The following ZDHHC5 variants were observed in gnomAD, a reference collection of about 807,000 sequenced individuals.
ZDHHC5 encodes the protein zDHHC palmitoyltransferase 5.
Under a neutral mutation model 70.0 loss-of-function variants are expected in ZDHHC5, and 22 were observed. That is an observed-to-expected ratio of 0.31 (90% CI 0.22 to 0.45). The LOEUF (loss-of-function observed/expected upper bound fraction) is 0.45, where lower values mean the gene tolerates loss of function less well. ZDHHC5 is among the 20% of genes least tolerant of loss of function. The pLI is 1.00. For synonymous variants in ZDHHC5, 313 were observed against 347.8 expected (o/e 0.90, Z 1.11); for missense variants, 746 against 926.9 (o/e 0.80, Z 2.53).
At chr11:57,698,500 TG>T in intron 10 of ZDHHC5, 58 bp from the exon 11 acceptor site, 1 of 1,528,494 alleles carries the variant, frequency 6.5e-7, no homozygotes, top group Non-Finnish European at 8.8e-7. Context: ...CCTTGAGCTC[TG>T]GGGTCTAGCT....
Position 57,699,886 on chromosome 11 carries a change from C to A in ZDHHC5, c.2003C>A (p.Thr668Asn). The stretch of plus-strand genomic sequence containing the variant: ...TCCAGAGATGAAGTACAGCTGAAGA[C>A]CACCTACAGCAAATCCAACGGGCAG... ...LTPKDEVQLKTTYSKSNGQPK... is the reference protein window; with the variant it reads ...LTPKDEVQLKNTYSKSNGQPK... The change falls in exon 12 of 12, where the codon ACC (threonine) becomes AAC (asparagine). Residue 668 changes from threonine to asparagine, a missense_variant. This residue lies in a region of ZDHHC5 where 340 missense variants were observed against 350.1 expected (regional missense o/e 0.97). Transcript: ENST00000287169. 2 of 1,614,262 alleles carry A rather than the reference C, an allele frequency of 1.2e-6. No homozygotes were observed. The highest frequency in any genetic ancestry group is 1.7e-6 in the Non-Finnish European group (2 of 1,180,048).
chr11:57,674,217 G>C (rs1435397491), intron 2 of ZDHHC5, among the ~76,000 whole-genome samples: 2 of 152,078 alleles, frequency 1.3e-5, no homozygotes, highest in African/African-American at 4.8e-5. Flanking sequence ...TCCCATTTAG[G>C]ATCTAGGATC....
intron 2 of ZDHHC5, among the ~76,000 whole-genome samples, chr11:57,682,023 TG>T (rs1946155590): frequency 6.6e-6 from 1 of 152,196 alleles, no homozygotes; most frequent in Non-Finnish European, 1.5e-5. Flanking sequence ...GGGACATAGC[TG>T]GGATCCAGAA....
At chr11:57,691,318 C>T (rs1946282328) in intron 6 of ZDHHC5, among the ~76,000 whole-genome samples, 1 of 152,074 alleles carries the variant, frequency 6.6e-6, no homozygotes, top group Non-Finnish European at 1.5e-5. Context: ...GTGATCCACC[C>T]ACCTCAGCCT....
In ZDHHC5 at chr11:57,690,387, A is replaced by G. The variant is rs779231079; in HGVS notation, c.610A>G (p.Thr204Ala). The G allele has an allele frequency of 1.2e-6, 2 of 1,614,176 alleles. No homozygotes were observed. Among genetic ancestry groups the G allele is most frequent in the Non-Finnish European group, 1.7e-6 (2 of 1,180,030 alleles). Residue 204 changes from threonine to alanine, a missense_variant, in exon 6 of 12, where the codon ACG becomes GCG. Physicochemically the swap from Thr to Ala is moderately conservative, Grantham distance 58. Around this residue, in one of 6 missense-constraint regions of ZDHHC5, gnomAD observed 114 missense variants for 179.3 expected, o/e 0.64. Coordinates refer to ENST00000287169, the MANE Select transcript of ZDHHC5 (RefSeq NM_015457.3). ...ATTCTTCATCCCTGTAGCTGGCCTCACGGGATTTCACGTGGTTCTGGTGGC... is the reference window on the plus strand; with the variant it reads ...ATTCTTCATCCCTGTAGCTGGCCTCGCGGGATTTCACGTGGTTCTGGTGGC... Reference protein sequence around the residue: ...GLFFIPVAGLTGFHVVLVARG... With the variant: ...GLFFIPVAGLAGFHVVLVARG...
Position 57,701,095 on chromosome 11 carries a change from A to G in ZDHHC5, c.*1064A>G, listed in dbSNP as rs1162612006. ...GGGTTCTAACCTCTAAATAGGGGAGATCCCAGCCTCCACAAAGAGGCCCTT... is the reference window on the plus strand; with the variant it reads ...GGGTTCTAACCTCTAAATAGGGGAGGTCCCAGCCTCCACAAAGAGGCCCTT... On this transcript the variant is annotated 3_prime_UTR_variant, in exon 12 of 12. Transcript: ENST00000287169. The G allele has an allele frequency of 1.3e-5, 2 of 152,604 alleles. No homozygotes were observed. Among genetic ancestry groups the G allele is most frequent in the Non-Finnish European group, 2.9e-5 (2 of 68,030 alleles). 9.5% of individuals were successfully genotyped at this position (152,604 alleles called of 1,614,324 possible).
chr11:57,677,345 G>A (rs1946085400), intron 2 of ZDHHC5, among the ~76,000 whole-genome samples: 2 of 145,776 alleles, frequency 1.4e-5, no homozygotes, highest in Admixed American at 1.4e-4. Context: ...GGAGTGTGGT[G>A]GTGTGATCTC....
intron 8 of ZDHHC5, 133 bp from the exon 9 acceptor site, chr11:57,695,787 C>A: frequency 8.4e-7 from 1 of 1,192,528 alleles, no homozygotes; most frequent in Non-Finnish European, 1.1e-6. Context: ...CAGAGTGAGA[C>A]CTTGTCTCAA....
Position 57,670,188 on chromosome 11 carries a change from C to T in ZDHHC5, c.-1070-1833C>T, listed in dbSNP as rs1177225064. Among the ~76,000 whole-genome samples, 4 of 152,082 alleles carry T rather than the reference C, an allele frequency of 2.6e-5. 1 individual carries two copies. Among genetic ancestry groups the T allele is most frequent in the Admixed American group, 2.6e-4 (4 of 15,258 alleles). On this transcript the variant is annotated intron_variant, in intron 1 of 11. Coordinates refer to ENST00000287169, the MANE Select transcript of ZDHHC5 (RefSeq NM_015457.3). ...GAGGGAAAAGTTTGCTTTAATAGTA[C>T]ATATTGGCTGGGCAGAGTGTCTCAC...
intron 3 of ZDHHC5, among the ~76,000 whole-genome samples, chr11:57,687,757 T>TTTTG (rs1946226154): frequency 2.6e-5 from 1 of 38,314 alleles, no homozygotes; most frequent in African/African-American, 1.0e-4. Flanking sequence ...TTTGGGAAAG[T>TTTTG]TTTTTTTTTT....
intron 4 of ZDHHC5, 126 bp downstream of exon 4, chr11:57,688,791 C>T: frequency 9.5e-7 from 1 of 1,047,234 alleles, no homozygotes. Context: ...CATGGTCCAG[C>T]TCTGTCAAAT....
At position 57,696,113 on chromosome 11, in the gene ZDHHC5, G is replaced by A. The variant is rs537204462; in HGVS notation, c.1009+70G>A. ...ATTGAGAAGGTTGCTTATGAGCTGTGGAAGACAGGCAAGGGCTGGGAGATA... is the reference window on the plus strand; with the variant it reads ...ATTGAGAAGGTTGCTTATGAGCTGTAGAAGACAGGCAAGGGCTGGGAGATA... On this transcript the variant is annotated intron_variant, in intron 9 of 11. Transcript: ENST00000287169. 4.2e-5 allele frequency: 64 copies of A among 1,541,632 alleles called. No homozygotes were observed. In the South Asian group the frequency reaches 6.9e-4, roughly 17 times the overall value.
In ZDHHC5 at chr11:57,699,137, G is replaced by T. The variant is rs368906243; in HGVS notation, c.1701G>T (p.Gly567=). The stretch of plus-strand genomic sequence containing the variant: ...GCCGTGAGGAAGAACCAGGCTTGGG[G>T]GACTCAGGCATTCAGTCAACACCAG... ...LPGREEEPGL[G]DSGIQSTPGS... Residue 567 remains glycine (G), a synonymous_variant, in exon 11 of 12, where the codon GGG becomes GGT. Transcript: ENST00000287169. 2.5e-6 allele frequency: 4 copies of T among 1,614,126 alleles called. No individual in the cohort carries two copies. Among genetic ancestry groups the T allele is most frequent in the East Asian group, 4.5e-5 (2 of 44,904 alleles).
rs1441051173 is a variant in ZDHHC5 at position 57,668,136 on chromosome 11, C to G, written c.-1122C>G. 1 of 369,810 alleles carries G rather than the reference C, an allele frequency of 2.7e-6. No homozygotes were observed. The highest frequency in any genetic ancestry group is 2.1e-5 in the African/African-American group (1 of 47,402). 22.9% of individuals were successfully genotyped at this position (369,810 alleles called of 1,614,324 possible). A position where few individuals can be genotyped will look rare whatever the true frequency, so the allele number is the denominator to read the frequency against. Reference sequence around the variant, plus strand: ...CTTCTCTGAGGCAGGACGGCACTGCCGGGAGGCGGCGGTGACAACGACGGC... The same window carrying G: ...CTTCTCTGAGGCAGGACGGCACTGCGGGGAGGCGGCGGTGACAACGACGGC... On this transcript the variant is annotated 5_prime_UTR_variant, in exon 1 of 12. Coordinates refer to ENST00000287169, the MANE Select transcript of ZDHHC5 (RefSeq NM_015457.3).
At chr11:57,699,678 G>T (rs560085540) in intron 11 of ZDHHC5, among the ~76,000 whole-genome samples, 188 bp from the exon 12 acceptor site, 1 of 152,368 alleles carries the variant, frequency 6.6e-6, no homozygotes, top group East Asian at 1.9e-4. Flanking sequence ...TTACTAGAGA[G>T]TAGTAGTACA....
rs865882231 is a variant in ZDHHC5 at position 57,696,111 on chromosome 11, G to A, written c.1009+68G>A. 7.8e-6 allele frequency: 12 copies of A among 1,543,022 alleles called. No homozygotes were observed. In the Middle Eastern group the frequency reaches 1.2e-3, roughly 157 times the overall value. ...GGATTGAGAAGGTTGCTTATGAGCT[G>A]TGGAAGACAGGCAAGGGCTGGGAGA... On this transcript the variant is annotated intron_variant, in intron 9 of 11. Coordinates refer to ENST00000287169, the MANE Select transcript of ZDHHC5 (RefSeq NM_015457.3).
Position 57,698,893 on chromosome 11 carries a change from A to G in ZDHHC5, c.1457A>G (p.Gln486Arg). The change falls in exon 11 of 12, where the codon CAG becomes CGG. Residue 486 changes from glutamine to arginine, a missense_variant. Physicochemically the swap from Gln to Arg is conservative, Grantham distance 43. Coordinates refer to ENST00000287169, the MANE Select transcript of ZDHHC5 (RefSeq NM_015457.3). ...PSDSPDFESV[Q>R]AGPEPDPPLG... is the part of the protein sequence containing the mutation. ...GACAGCCCTGATTTTGAGTCAGTGC[A>G]GGCAGGGCCTGAGCCAGACCCACCT... The G allele has an allele frequency of 6.2e-7, 1 of 1,614,202 alleles. No individual in the cohort carries two copies. The highest frequency in any genetic ancestry group is 8.5e-7 in the Non-Finnish European group (1 of 1,180,022).
At chr11:57,697,921 G>T (rs963098547) in intron 10 of ZDHHC5, among the ~76,000 whole-genome samples, 2 of 151,450 alleles carry the variant, frequency 1.3e-5, no homozygotes, top group Non-Finnish European at 1.5e-5. Flanking sequence ...ACCACCCGAG[G>T]TCAGGAGTTT....
At position 57,690,375 on chromosome 11, in the gene ZDHHC5, G is replaced by A. The variant is rs1313505757; in HGVS notation, c.598G>A (p.Val200Ile). The change falls in exon 6 of 12, where the codon GTA becomes ATA. Residue 200 changes from valine (V) to isoleucine (I), a missense_variant. Around this residue, in one of 6 missense-constraint regions of ZDHHC5, gnomAD observed 114 missense variants for 179.3 expected, o/e 0.64. Coordinates refer to ENST00000287169, the MANE Select transcript of ZDHHC5 (RefSeq NM_015457.3). ...MCVAGLFFIP[V>I]AGLTGFHVVL... ...TGTGGCTGGCTTATTCTTCATCCCT[G>A]TAGCTGGCCTCACGGGATTTCACGT... 2.5e-6 allele frequency: 4 copies of A among 1,614,182 alleles called. No homozygotes were observed. The highest frequency in any genetic ancestry group is 2.2e-5 in the East Asian group (1 of 44,888).
Sources: allele counts gnomAD v4.1 joint callset (sites outside exome capture counted in the v4.1 genomes callset), GRCh38; gene constraint gnomAD v4.1.1; regional missense constraint gnomAD v4.1.1; transcripts MANE v1.5; gene names NCBI Gene and HGNC (gene_info 2026-07-23, HGNC 2026-07-21).